LINGO2: variants seen among roughly 807,000 people sequenced by gnomAD.
LINGO2 encodes leucine rich repeat and Ig domain containing 2, also known as leucine-rich repeat and immunoglobulin-like domain-containing nogo receptor-interacting protein 2.
A neutral mutation model predicts 30.6 loss-of-function variants in LINGO2; 14 were observed. The ratio of observed to expected loss-of-function variants is 0.46; its 90% CI spans 0.30 to 0.72. The LOEUF is 0.72. LINGO2 is among the 30% of genes least tolerant of loss of function. The pLI is 0.07. For synonymous variants in LINGO2, 317 were observed against 288.5 expected (o/e 1.10, Z -1.00); for missense variants, 729 against 751.7 (o/e 0.97, Z 0.35).
At chr9:27,952,320 C>T (rs1158982436) in intron 5 of LINGO2, among the ~76,000 whole-genome samples, 1 of 151,796 alleles carries the variant, frequency 6.6e-6, no homozygotes, top group African/African-American at 2.4e-5. Flanking sequence ...CTATTAAACC[C>T]TATCAAGAAT....
At chr9:28,945,615 T>A in the LINGO2 span, among the ~76,000 whole-genome samples, 14 of 152,296 alleles carry the variant, frequency 9.2e-5, no homozygotes, top group South Asian at 2.3e-3. Context: ...TGGTTCTGAA[T>A]AATCATGTTT....
intron 5 of LINGO2, among the ~76,000 whole-genome samples, chr9:27,984,110 T>A (rs1160729958): frequency 6.6e-6 from 1 of 151,842 alleles, no homozygotes; most frequent in Non-Finnish European, 1.5e-5. Flanking sequence ...AAAACAAGAT[T>A]TTAAGATTAC....
intron 1 of LINGO2, among the ~76,000 whole-genome samples, chr9:28,613,937 G>A (rs1167999736): frequency 6.6e-6 from 1 of 151,988 alleles, no homozygotes; most frequent in Non-Finnish European, 1.5e-5. Flanking sequence ...ATTCCATATC[G>A]TTTTTCATAT....
At chr9:28,512,117 G>A (rs1355568513) in intron 1 of LINGO2, among the ~76,000 whole-genome samples, 2 of 152,032 alleles carry the variant, frequency 1.3e-5, no homozygotes, top group Admixed American at 6.6e-5. Context: ...GCTTGAGCCC[G>A]ATCACATATG....
intron 1 of LINGO2, among the ~76,000 whole-genome samples, chr9:28,530,363 C>T (rs764598504): frequency 1.2e-4 from 18 of 152,084 alleles, no homozygotes; most frequent in Non-Finnish European, 2.2e-4. Flanking sequence ...CTAGATTTTA[C>T]ACCATGTACA....
chr9:29,060,660 T>C, the LINGO2 span, among the ~76,000 whole-genome samples: 5 of 151,958 alleles, frequency 3.3e-5, no homozygotes, highest in Non-Finnish European at 7.4e-5. Context: ...AATGGAAAGA[T>C]AGTTCATAGG....
At chr9:28,160,161 ATGTTCTGCTAGATAAGAGAGATC>A (rs1828245438) in intron 4 of LINGO2, among the ~76,000 whole-genome samples, 1 of 152,192 alleles carries the variant, frequency 6.6e-6, no homozygotes, top group Non-Finnish European at 1.5e-5. Flanking sequence ...GCATTGTCTA[ATGTTCTGCTAGATAAGAGAGATC>A]TGTTGAACTA....
chr9:28,776,080 G>A, the LINGO2 span, among the ~76,000 whole-genome samples: 1 of 152,120 alleles, frequency 6.6e-6, no homozygotes, highest in African/African-American at 2.4e-5. Context: ...TAACAACATG[G>A]TTTTGAGGAT....
At chr9:28,582,788 A>G (rs1245800412) in intron 1 of LINGO2, among the ~76,000 whole-genome samples, 2 of 152,100 alleles carry the variant, frequency 1.3e-5, no homozygotes, top group East Asian at 3.9e-4. Context: ...CTGTCAAGTT[A>G]AATTATTATT....
At chr9:28,040,860 C>T (rs942367147) in intron 4 of LINGO2, among the ~76,000 whole-genome samples, 1 of 152,138 alleles carries the variant, frequency 6.6e-6, no homozygotes, top group African/African-American at 2.4e-5. Context: ...ATATACTCTG[C>T]TACTTTGATC....
intron 1 of LINGO2, among the ~76,000 whole-genome samples, chr9:28,503,868 A>G (rs1819993723): frequency 1.3e-5 from 2 of 151,848 alleles, no homozygotes; most frequent in African/African-American, 4.8e-5. Context: ...GGGAAAAAAA[A>G]CAATAAAAAT....
chr9:29,075,098 A>C, the LINGO2 span, among the ~76,000 whole-genome samples: 10 of 152,078 alleles, frequency 6.6e-5, no homozygotes, highest in African/African-American at 9.7e-5. Flanking sequence ...ATGCATTCTT[A>C]ATTTATACTA....
intron 4 of LINGO2, among the ~76,000 whole-genome samples, chr9:28,182,580 A>T (rs1403574631): frequency 2.0e-5 from 3 of 152,234 alleles, no homozygotes; most frequent in Admixed American, 2.0e-4. Context: ...CAAAGGTCTA[A>T]CATCCAGAAT....
the LINGO2 span, among the ~76,000 whole-genome samples, chr9:28,899,216 G>A: frequency 6.6e-6 from 1 of 152,192 alleles, no homozygotes; most frequent in African/African-American, 2.4e-5. Flanking sequence ...CACAGTGTGA[G>A]AAGAGATACA....
At chr9:28,396,517 A>C (rs1393679326) in intron 2 of LINGO2, among the ~76,000 whole-genome samples, 1 of 151,910 alleles carries the variant, frequency 6.6e-6, no homozygotes, top group Non-Finnish European at 1.5e-5. Flanking sequence ...ATCCAGGCTA[A>C]CGTGGTGAAA....
At chr9:29,083,711 A>G in the LINGO2 span, among the ~76,000 whole-genome samples, 1 of 152,034 alleles carries the variant, frequency 6.6e-6, no homozygotes, top group Non-Finnish European at 1.5e-5. Context: ...AAAAGTAAAA[A>G]ATGCATTGAA....
At chr9:28,106,960 G>C (rs1215690442) in intron 4 of LINGO2, among the ~76,000 whole-genome samples, 1 of 152,082 alleles carries the variant, frequency 6.6e-6, no homozygotes, top group Non-Finnish European at 1.5e-5. Context: ...AAAACATTCT[G>C]AGCTTTCTCA....
the LINGO2 span, among the ~76,000 whole-genome samples, chr9:28,694,706 T>A: frequency 6.6e-6 from 1 of 151,972 alleles, no homozygotes. Context: ...TAATTTTGAC[T>A]GAGGCAGTCC....
chr9:28,561,922 CACT>C (rs1479628710), intron 1 of LINGO2, among the ~76,000 whole-genome samples: 1 of 151,282 alleles, frequency 6.6e-6, no homozygotes, highest in Non-Finnish European at 1.5e-5. Context: ...ACTTAATGAG[CACT>C]CCAGCTCTCT....
Sources: gnomAD v4.1 joint callset for allele counts (sites outside exome capture counted in the v4.1 genomes callset) on GRCh38, gnomAD v4.1.1 for gene constraint, MANE v1.5 for transcripts, NCBI Gene and HGNC (gene_info 2026-07-23, HGNC 2026-07-21) for gene names.